Variants in ZPBP observed in about 807,000 individuals in gnomAD.
ZPBP encodes zona pellucida binding protein, also known as zona pellucida-binding protein 1.
In ZPBP, 26 loss-of-function variants were observed where a neutral mutation model predicts 44.8. The observed-to-expected ratio is 0.58, with a 90% CI of 0.43 to 0.81. The LOEUF is 0.81. ZPBP is among the 30% of genes least tolerant of loss of function. ZPBP has a pLI of 0.00. For missense variants in ZPBP, 409 were observed against 434.0 expected, an observed-to-expected ratio of 0.94 and a Z score of 0.51; for synonymous variants, 174 against 153.2, an observed-to-expected ratio of 1.14 and a Z score of -1.00.
At chr7:50,082,077 TTATG>T (rs977710776) in intron 2 of ZPBP, among the ~76,000 whole-genome samples, 178 bp from the exon 3 acceptor site, 1 of 151,874 alleles carries the variant, frequency 6.6e-6, no homozygotes, top group Admixed American at 6.6e-5. Context: ...TAAAAATATA[TTATG>T]TATTTGTATG....
At chr7:50,058,913 C>A (rs1801106348) in intron 3 of ZPBP, among the ~76,000 whole-genome samples, 1 of 152,160 alleles carries the variant, frequency 6.6e-6, no homozygotes, top group Non-Finnish European at 1.5e-5. Context: ...AAACTGTAAC[C>A]ATGAGTAACC....
chr7:50,070,124 TA>T (rs1269533077), intron 3 of ZPBP, among the ~76,000 whole-genome samples: 3 of 152,114 alleles, frequency 2.0e-5, no homozygotes, highest in Non-Finnish European at 4.4e-5. Context: ...CTCATCAGAC[TA>T]AACGAGTGTC....
intron 3 of ZPBP, among the ~76,000 whole-genome samples, chr7:50,063,279 C>T (rs779011489): frequency 8.5e-5 from 13 of 152,176 alleles, no homozygotes; most frequent in Non-Finnish European, 1.5e-4. Context: ...TTCTTATATA[C>T]AACTGAGTTT....
intron 3 of ZPBP, among the ~76,000 whole-genome samples, chr7:50,078,337 C>A (rs771358904): frequency 9.8e-4 from 148 of 151,570 alleles, no homozygotes; most frequent in Non-Finnish European, 1.7e-3. Context: ...GATAGCACAA[C>A]AGGATGACTA....
At position 49,856,877 on chromosome 7, in the gene ZPBP, C is replaced by T. The variant is rs535032325; in HGVS notation, n.510-6363G>A. 8.6e-4 allele frequency among the ~76,000 whole-genome samples: 130 copies of T among 151,690 alleles called. 2 individuals carry two copies. The Middle Eastern group carries it at 0.01, about 12-fold the overall frequency. ...ACAAAAAATTAGCTGGGCGTGGTGGCGGGCGCCTGTAGTCCCAGCTACTCG... is the reference window on the plus strand; with the variant it reads ...ACAAAAAATTAGCTGGGCGTGGTGGTGGGCGCCTGTAGTCCCAGCTACTCG... On this transcript the variant is annotated intron_variant and non_coding_transcript_variant, in intron 2 of 2. Coordinates refer to the ZPBP transcript ENST00000465922.
chr7:49,966,332 T>C (rs1454814440), intron 7 of ZPBP, among the ~76,000 whole-genome samples: 2 of 152,120 alleles, frequency 1.3e-5, no homozygotes, highest in African/African-American at 4.8e-5. Flanking sequence ...TCACTCTCTC[T>C]CAGTATCAAT....
At chr7:49,978,108 A>C (rs1796614749) in intron 7 of ZPBP, among the ~76,000 whole-genome samples, 1 of 150,878 alleles carries the variant, frequency 6.6e-6, no homozygotes, top group South Asian at 2.1e-4. Flanking sequence ...AAACTAGCAG[A>C]AATAACATGG....
intron 7 of ZPBP, among the ~76,000 whole-genome samples, chr7:49,980,982 T>C (rs915597238): frequency 6.6e-6 from 1 of 151,548 alleles, no homozygotes; most frequent in Non-Finnish European, 1.5e-5. Flanking sequence ...TGGCTAGAGT[T>C]ATCTTTATAA....
chr7:49,862,843 T>C (rs1790713169), intron 2 of ZPBP, among the ~76,000 whole-genome samples: 1 of 152,200 alleles, frequency 6.6e-6, no homozygotes, highest in African/African-American at 2.4e-5. Flanking sequence ...TGTATAATCC[T>C]TTTAATATGC....
At chr7:49,998,331 G>A (rs1221575847) in intron 6 of ZPBP, among the ~76,000 whole-genome samples, 1 of 152,162 alleles carries the variant, frequency 6.6e-6, no homozygotes, top group East Asian at 1.9e-4. Context: ...TGCAGCTATA[G>A]GAGATAAGAC....
downstream of ZPBP, chr7:49,937,363 G>A (rs1794656044): frequency 1.7e-6 from 1 of 596,594 alleles, no homozygotes; most frequent in Non-Finnish European, 3.0e-6. Context: ...ATAAAGACTA[G>A]AGGATTTTCA....
intron 7 of ZPBP, among the ~76,000 whole-genome samples, chr7:49,953,140 T>C (rs1223256626): frequency 2.6e-5 from 4 of 152,058 alleles, no homozygotes; most frequent in Non-Finnish European, 5.9e-5. Flanking sequence ...TACAGGGAAC[T>C]AAGGTGGAGC....
At chr7:49,912,200 A>C in intron 1 of ZPBP, 1 of 1,613,078 alleles carries the variant, frequency 6.2e-7, no homozygotes, top group Non-Finnish European at 8.5e-7. Context: ...TTCCCAGAAC[A>C]CAAACTCTGA....
chr7:49,982,460 C>G (rs933364090), intron 7 of ZPBP, among the ~76,000 whole-genome samples: 1 of 146,038 alleles, frequency 6.8e-6, no homozygotes, highest in African/African-American at 2.5e-5. Context: ...TCCTAATATT[C>G]CTGTGTACTA....
At chr7:49,848,539 T>G (rs1239759034), downstream of ZPBP, among the ~76,000 whole-genome samples, 1 of 152,228 alleles carries the variant, frequency 6.6e-6, no homozygotes, top group Non-Finnish European at 1.5e-5. Context: ...CCTGTAGCTG[T>G]GGTCTGCTCT....
intron 7 of ZPBP, among the ~76,000 whole-genome samples, chr7:49,958,797 G>A (rs1235415303): frequency 6.6e-6 from 1 of 152,222 alleles, no homozygotes; most frequent in African/African-American, 2.4e-5. Flanking sequence ...AAATATCGGA[G>A]GACAAAATAA....
At chr7:49,916,396 G>A (rs1030082941) in intron 1 of ZPBP, 1 of 152,160 alleles carries the variant, frequency 6.6e-6, no homozygotes, top group African/African-American at 2.4e-5. Context: ...TTTGCAGCAT[G>A]TTGAGTATTA....
chr7:50,034,897 GA>G (rs1799761507), intron 4 of ZPBP, among the ~76,000 whole-genome samples: 2 of 152,194 alleles, frequency 1.3e-5, no homozygotes. Flanking sequence ...AAGGGGGACT[GA>G]AGAAAAACAA....
At chr7:50,026,936 A>C (rs563652481) in intron 5 of ZPBP, among the ~76,000 whole-genome samples, 2 of 152,062 alleles carry the variant, frequency 1.3e-5, no homozygotes, top group Admixed American at 6.6e-5. Flanking sequence ...GACTGCACAC[A>C]AATTCTTTGT....
Sources: gnomAD v4.1 joint callset for allele counts (sites outside exome capture counted in the v4.1 genomes callset) on GRCh38, gnomAD v4.1.1 for gene constraint, MANE v1.5 for transcripts, NCBI Gene and HGNC (gene_info 2026-07-23, HGNC 2026-07-21) for gene names.